NALF1: variants seen among roughly 807,000 people sequenced by gnomAD.
NALF1 encodes the protein NALCN channel auxiliary factor 1, also known as family with sequence similarity 155 member A.
NALF1 carries 3 observed loss-of-function variants against 48.4 expected under a neutral mutation model. The ratio of observed to expected loss-of-function variants is 0.06; its 90% CI spans 0.03 to 0.16. The LOEUF is 0.16. NALF1 is among the 10% of genes least tolerant of loss of function. The probability of loss-of-function intolerance (pLI) is 1.00; values close to 1 mark genes in which losing one functional copy is unlikely to be tolerated. For synonymous variants in NALF1, 262 were observed against 245.7 expected, an observed-to-expected ratio of 1.07 and a Z score of -0.62; for missense variants, 526 against 571.5, an observed-to-expected ratio of 0.92 and a Z score of 0.81.
intron 1 of NALF1, among the ~76,000 whole-genome samples, chr13:107,678,448 G>C (rs1162793288): frequency 1.3e-5 from 2 of 152,228 alleles, no homozygotes; most frequent in African/African-American, 4.8e-5. Flanking sequence ...TGAGAAGTGA[G>C]CAGGGGTGTC....
At chr13:107,299,915 C>T (rs1302055125) in intron 1 of NALF1, among the ~76,000 whole-genome samples, 1 of 152,130 alleles carries the variant, frequency 6.6e-6, no homozygotes, top group African/African-American at 2.4e-5. Flanking sequence ...AAGCTTCAGG[C>T]TTATCTTGCA....
At chr13:107,525,284 A>G (rs945290447) in intron 1 of NALF1, among the ~76,000 whole-genome samples, 1 of 152,044 alleles carries the variant, frequency 6.6e-6, no homozygotes, top group African/African-American at 2.4e-5. Context: ...AATCTCCTCA[A>G]TCCTGAAGTT....
At chr13:107,563,996 A>G (rs1400953502) in intron 1 of NALF1, among the ~76,000 whole-genome samples, 1 of 152,206 alleles carries the variant, frequency 6.6e-6, no homozygotes, top group Non-Finnish European at 1.5e-5. Flanking sequence ...ACATTCACTG[A>G]AAGTCCCATA....
intron 1 of NALF1, among the ~76,000 whole-genome samples, chr13:107,599,353 C>A (rs374081150): frequency 6.7e-6 from 1 of 148,252 alleles, no homozygotes; most frequent in Non-Finnish European, 1.5e-5. Flanking sequence ...ACCTGGGAGG[C>A]GGAGCTTGCA....
intron 1 of NALF1, among the ~76,000 whole-genome samples, chr13:107,722,097 AAGG>A (rs1876004345): frequency 6.6e-6 from 1 of 152,104 alleles, no homozygotes. Context: ...TAAATCCAGA[AAGG>A]AGGAGGGAGG....
chr13:107,731,141 T>C (rs549412558), intron 1 of NALF1, among the ~76,000 whole-genome samples: 5 of 152,174 alleles, frequency 3.3e-5, no homozygotes, highest in Non-Finnish European at 5.9e-5. Context: ...GCAGCTAGTA[T>C]GCTGATTAGC....
At chr13:107,184,870 T>C (rs1879140001) in intron 2 of NALF1, among the ~76,000 whole-genome samples, 2 of 152,228 alleles carry the variant, frequency 1.3e-5, no homozygotes, top group African/African-American at 2.4e-5. Flanking sequence ...CAAAACGATA[T>C]GTTAAAGTCT....
Position 107,799,049 on chromosome 13 carries a change from A to T in NALF1, c.915+66633T>A, listed in dbSNP as rs79517655. Among the ~76,000 whole-genome samples, 720 of 152,294 alleles carry T rather than the reference A, an allele frequency of 4.7e-3. 3 individuals are homozygous for T. The highest frequency in any genetic ancestry group is 7.7e-3 in the Non-Finnish European group (527 of 68,026). On this transcript the variant is annotated intron_variant, in intron 1 of 2. Coordinates refer to ENST00000375915, the MANE Select transcript of NALF1 (RefSeq NM_001080396.3). ...ACAAGTCCTGTGACCCGGAAATTGC[A>T]GACTTAGTAGTCCACATCGGCTTGC...
rs931273903 is a variant in NALF1, at chr13:107,866,256, G to C, written c.341C>G (p.Ser114Trp). The C allele has an allele frequency of 5.0e-6, 8 of 1,594,192 alleles. No homozygotes were observed. The African/African-American group carries it at 9.4e-5, about 19-fold the overall frequency. Residue 114 changes from serine to tryptophan, a missense_variant, in exon 1 of 3, where the codon TCG (serine) becomes TGG (tryptophan). Around this residue, in one of 2 missense-constraint regions of NALF1, gnomAD observed 373 missense variants for 355.5 expected, o/e 1.05. Transcript: ENST00000375915. The surrounding 1 kb of genome is among the most constrained non-coding windows in gnomAD (Gnocchi z 4.4). ...PALLASMGESSPAAQAHRLLS... is the reference protein window; with the variant it reads ...PALLASMGESWPAAQAHRLLS... ...GAGTCTGTGTGCCTGGGCGGCGGGC[G>C]AGGACTCCCCCATGCTCGCCAGGAG...
chr13:107,281,049 G>C (rs1172326485), intron 1 of NALF1, among the ~76,000 whole-genome samples: 2 of 152,140 alleles, frequency 1.3e-5, no homozygotes, highest in Admixed American at 6.5e-5. Flanking sequence ...ATAAAGATCT[G>C]TATCTATTCA....
At chr13:107,684,587 T>C (rs753105199) in intron 1 of NALF1, among the ~76,000 whole-genome samples, 112 of 152,234 alleles carry the variant, frequency 7.4e-4, no homozygotes, top group South Asian at 1.7e-3. Flanking sequence ...GTTCCTTTCA[T>C]CCCCAATTTA....
At chr13:107,517,747 G>A (rs1876109465) in intron 1 of NALF1, among the ~76,000 whole-genome samples, 1 of 152,094 alleles carries the variant, frequency 6.6e-6, no homozygotes, top group Non-Finnish European at 1.5e-5. Context: ...CTGAGGTCAG[G>A]TGTTCGAGAC....
intron 1 of NALF1, among the ~76,000 whole-genome samples, chr13:107,571,762 C>T (rs1438745377): frequency 6.6e-6 from 1 of 152,118 alleles, no homozygotes; most frequent in Admixed American, 6.6e-5. Context: ...CAGGTAGCTA[C>T]TATTAGAGTG....
chr13:107,229,034 A>G (rs1880165793), intron 1 of NALF1, among the ~76,000 whole-genome samples: 1 of 152,118 alleles, frequency 6.6e-6, no homozygotes, highest in African/African-American at 2.4e-5. Flanking sequence ...GTTTAAGCCA[A>G]CCAGCTTCTT....
intron 1 of NALF1, among the ~76,000 whole-genome samples, chr13:107,391,003 G>A (rs960883504): frequency 2.6e-5 from 4 of 152,228 alleles, no homozygotes; most frequent in Admixed American, 6.5e-5. Context: ...CATGTGCCAG[G>A]CATCACAGTG....
intron 1 of NALF1, among the ~76,000 whole-genome samples, chr13:107,697,791 CTCT>C (rs1462085273): frequency 2.0e-5 from 3 of 152,106 alleles, no homozygotes; most frequent in African/African-American, 4.8e-5. Context: ...TTATTCTTGA[CTCT>C]GACTAACACT....
intron 1 of NALF1, among the ~76,000 whole-genome samples, chr13:107,401,031 T>C (rs567375985): frequency 1.3e-5 from 2 of 152,182 alleles, no homozygotes; most frequent in Non-Finnish European, 1.5e-5. Context: ...CCCTTATCCA[T>C]GGTTTGGCTT....
chr13:107,614,128 A>C (rs759390502), intron 1 of NALF1, among the ~76,000 whole-genome samples: 40 of 152,208 alleles, frequency 2.6e-4, no homozygotes, highest in Non-Finnish European at 4.9e-4. Flanking sequence ...GATGACTTTG[A>C]GTATGGGCAT....
chr13:107,198,297 A>G (rs1206352148), intron 2 of NALF1, among the ~76,000 whole-genome samples: 3 of 152,216 alleles, frequency 2.0e-5, no homozygotes, highest in Non-Finnish European at 1.5e-5. Flanking sequence ...AATGGGACAT[A>G]GCACACACAG....
Sources: allele counts gnomAD v4.1 joint callset (sites outside exome capture counted in the v4.1 genomes callset), GRCh38; gene constraint gnomAD v4.1.1; regional missense constraint gnomAD v4.1.1; non-coding constraint Gnocchi (gnomAD v3.1); transcripts MANE v1.5; gene names NCBI Gene and HGNC (gene_info 2026-07-23, HGNC 2026-07-21).